The following ITPKB variants were observed in gnomAD, a reference collection of about 807,000 sequenced individuals.
The protein encoded by ITPKB is IP3 3-kinase B.
A neutral mutation model predicts 69.4 loss-of-function variants in ITPKB; 13 were observed. That is an observed-to-expected ratio of 0.19 (90% CI 0.12 to 0.30). The LOEUF (loss-of-function observed/expected upper bound fraction) is 0.30. Ranked by LOEUF, ITPKB falls within the 10% of genes least tolerant of loss-of-function variation. ITPKB has a pLI of 1.00. For missense variants in ITPKB, 1,240 were observed against 1,250.5 expected, an observed-to-expected ratio of 0.99 and a Z score of 0.13; for synonymous variants, 584 against 513.7, an observed-to-expected ratio of 1.14 and a Z score of -1.85.
At chr1:226,679,722 G>A (rs187482900) in intron 2 of ITPKB, among the ~76,000 whole-genome samples, 740 of 152,320 alleles carry the variant, frequency 4.9e-3, no homozygotes, top group Admixed American at 6.4e-3. Flanking sequence ...GGGTGACTAC[G>A]GGTGATTTTC....
chr1:226,709,821 A>G (rs988508594), intron 2 of ITPKB, among the ~76,000 whole-genome samples: 2 of 152,170 alleles, frequency 1.3e-5, no homozygotes, highest in Non-Finnish European at 1.5e-5. Context: ...CTGCCCAAGG[A>G]CAGTGCTTAA....
intron 2 of ITPKB, among the ~76,000 whole-genome samples, chr1:226,723,994 G>A (rs528658081): frequency 2.6e-5 from 4 of 152,286 alleles, no homozygotes; most frequent in East Asian, 1.9e-4. Flanking sequence ...TGGTGAAGGC[G>A]ATTAGGGCAT....
intron 2 of ITPKB, among the ~76,000 whole-genome samples, chr1:226,666,669 C>T (rs1254891479): frequency 6.6e-6 from 1 of 152,186 alleles, no homozygotes; most frequent in Non-Finnish European, 1.5e-5. Context: ...ACGGCTAGCA[C>T]CCCTTGCTCT....
At chr1:226,666,439 C>T (rs1352350218) in intron 2 of ITPKB, among the ~76,000 whole-genome samples, 2 of 152,286 alleles carry the variant, frequency 1.3e-5, no homozygotes, top group African/African-American at 4.8e-5. Flanking sequence ...TGTCCAGGGG[C>T]TCCAGGGGCT....
rs564948384 is a variant in ITPKB, at chr1:226,704,386, G to A, written c.1932+31141C>T. Among the ~76,000 whole-genome samples, 108 of 152,266 alleles carry A rather than the reference G, an allele frequency of 7.1e-4. 1 individual carries two copies. The highest frequency in any genetic ancestry group is 3.4e-3 in the Middle Eastern group (1 of 294). ...AACCAAGACTACCCACATTGCAACA[G>A]GTTATCATACCTGGTCAACACGAGA... On this transcript the variant is annotated intron_variant, in intron 2 of 7. Coordinates refer to ENST00000429204, the MANE Select transcript of ITPKB (RefSeq NM_002221.4).
At chr1:226,654,123 A>G (rs568321382) in intron 2 of ITPKB, among the ~76,000 whole-genome samples, 1 of 151,960 alleles carries the variant, frequency 6.6e-6, no homozygotes, top group Non-Finnish European at 1.5e-5. Flanking sequence ...ATTCTTTGAA[A>G]CTCAAGAGAG....
At chr1:226,646,415 G>A (rs928395691) in intron 4 of ITPKB, among the ~76,000 whole-genome samples, 2 of 152,066 alleles carry the variant, frequency 1.3e-5, no homozygotes, top group Non-Finnish European at 1.5e-5. Flanking sequence ...CACAGCAGCC[G>A]GCCTCAGGCA....
chr1:226,658,690 C>A (rs12093903), intron 2 of ITPKB, among the ~76,000 whole-genome samples: 46,355 of 152,028 alleles, frequency 0.3, 7,117 homozygotes, highest in Middle Eastern at 0.37. Context: ...TGGATGGCAC[C>A]GAACATCCTC....
intron 2 of ITPKB, among the ~76,000 whole-genome samples, chr1:226,734,870 C>T (rs1657699383): frequency 6.6e-6 from 1 of 152,222 alleles, no homozygotes; most frequent in Non-Finnish European, 1.5e-5. Context: ...AAGAAACCAT[C>T]TGCTTAGCTC....
rs1558104595 is a variant in ITPKB at position 226,738,882 on chromosome 1, C to G, written c.-206+159G>C. Among the ~76,000 whole-genome samples, 1 of 152,202 alleles carries G rather than the reference C, an allele frequency of 6.6e-6. No homozygotes were observed. On this transcript the variant is annotated intron_variant, in intron 1 of 7. Transcript: ENST00000429204. The surrounding 1 kb of genome is among the most constrained non-coding windows in gnomAD (Gnocchi z 4.2). ...TCCCTATTTTCTCCCCACCGCCACT[C>G]CATGTCACCCTCCAAAATCAAACCC...
At chr1:226,636,857 A>T (rs976405643) in intron 7 of ITPKB, among the ~76,000 whole-genome samples, 3 of 151,990 alleles carry the variant, frequency 2.0e-5, no homozygotes, top group African/African-American at 7.3e-5. Context: ...GTGTGTGGAT[A>T]TATGAATACA....
chr1:226,654,501 TG>T (rs1235990206), intron 2 of ITPKB, among the ~76,000 whole-genome samples: 2 of 152,160 alleles, frequency 1.3e-5, no homozygotes, highest in Admixed American at 6.5e-5. Context: ...ATCTACTCCC[TG>T]GGGGCCAAGG....
In ITPKB at chr1:226,736,470, G is replaced by C; in HGVS notation, c.989C>G (p.Ala330Gly). 1 of 1,613,792 alleles carries C rather than the reference G, an allele frequency of 6.2e-7. No individual in the cohort carries two copies. Among genetic ancestry groups the C allele is most frequent in the African/African-American group, 1.3e-5 (1 of 75,074 alleles). ...GGGCTGCAGGTCCTCAAGCTCACGG[G>C]CTCTCCCAGACGGCTCAGTGAGGGC... is the stretch of plus-strand genomic sequence containing the variant. Reference protein sequence around the residue: ...DLALTEPSGRARELEDLQPPE... With the variant: ...DLALTEPSGRGRELEDLQPPE... Residue 330 changes from alanine (A) to glycine (G), a missense_variant, in exon 2 of 8, where the codon GCC (alanine) becomes GGC (glycine). Ala to Gly is a moderately conservative substitution (Grantham distance 60, BLOSUM62 0). Coordinates refer to ENST00000429204, the MANE Select transcript of ITPKB (RefSeq NM_002221.4).
At chr1:226,692,793 C>G (rs570072526) in intron 2 of ITPKB, among the ~76,000 whole-genome samples, 65 of 152,324 alleles carry the variant, frequency 4.3e-4, no homozygotes, top group African/African-American at 1.5e-3. Context: ...TATAAATACT[C>G]AGGTTTGAAG....
At chr1:226,733,802 T>TG (rs1421215709) in intron 2 of ITPKB, among the ~76,000 whole-genome samples, 1 of 152,056 alleles carries the variant, frequency 6.6e-6, no homozygotes, top group Non-Finnish European at 1.5e-5. Flanking sequence ...TTCTGGCAAA[T>TG]GGAAAAAAAA....
rs1408425236 is a variant in ITPKB, at chr1:226,736,205, C to T, written c.1254G>A (p.Leu418=). 6.5e-7 allele frequency: 1 copy of T among 1,535,076 alleles called. No homozygotes were observed. Among genetic ancestry groups the T allele is most frequent in the Non-Finnish European group, 8.7e-7 (1 of 1,144,210 alleles). The change falls in exon 2 of 8, where the codon CTG becomes CTA. Residue 418 remains leucine, a synonymous_variant. Coordinates refer to ENST00000429204, the MANE Select transcript of ITPKB (RefSeq NM_002221.4). ...SLSWSRLPRA[L]ASVGPEEARS... ...GGGCCTCCTCAGGGCCTACGGAGGC[C>T]AGGGCCCTGGGCAGCCTGGACCAGC...
rs1231133841 is a variant in ITPKB, at chr1:226,739,219, G to A, written c.-384C>T. ...AAGCTCTTCGGTTCAGGGGCCCGGC[G>A]ATCCCGGCAGTGGCGACGCCAAGCC... On this transcript the variant is annotated 5_prime_UTR_variant, in exon 1 of 8. Coordinates refer to ENST00000429204, the MANE Select transcript of ITPKB (RefSeq NM_002221.4). The A allele has an allele frequency of 2.0e-5, 3 of 152,168 alleles. No individual in the cohort carries two copies. The highest frequency in any genetic ancestry group is 7.2e-5 in the African/African-American group (3 of 41,432). 9.4% of individuals were successfully genotyped at this position (152,168 alleles called of 1,614,324 possible).
chr1:226,663,333 C>T lies in ITPKB; in HGVS notation c.1933-14562G>A, dbSNP rs558298638. On this transcript the variant is annotated intron_variant, in intron 2 of 7. Transcript: ENST00000429204. ...AGAGCAGCAAACAGAGGCAAAGGTG[C>T]GCTCCTAGGTTTGTGTCCCAATCGG... is the stretch of plus-strand genomic sequence containing the variant. Among the ~76,000 whole-genome samples the T allele has an allele frequency of 8.5e-5, 13 of 152,216 alleles. No individual in the cohort carries two copies. The South Asian group carries it at 2.1e-3, about 24-fold the overall frequency.
At chr1:226,721,421 C>A (rs1461466836) in intron 2 of ITPKB, among the ~76,000 whole-genome samples, 2 of 151,064 alleles carry the variant, frequency 1.3e-5, no homozygotes, top group African/African-American at 4.9e-5. Flanking sequence ...ATCCTTTGGG[C>A]AACTGACTTT....
Sources: allele counts gnomAD v4.1 joint callset (sites outside exome capture counted in the v4.1 genomes callset), GRCh38; gene constraint gnomAD v4.1.1; non-coding constraint Gnocchi (gnomAD v3.1); transcripts MANE v1.5; gene names NCBI Gene and HGNC (gene_info 2026-07-23, HGNC 2026-07-21).